PDE4D: variants seen among roughly 807,000 people sequenced by gnomAD.
PDE4D encodes the protein 3',5'-cyclic-AMP phosphodiesterase 4D.
In PDE4D, 24 loss-of-function variants were observed where a neutral mutation model predicts 87.4. The ratio of observed to expected loss-of-function variants is 0.27; its 90% CI spans 0.20 to 0.39. The LOEUF (loss-of-function observed/expected upper bound fraction) is 0.39, where lower values mean the gene tolerates loss of function less well. PDE4D is among the 10% of genes least tolerant of loss of function. PDE4D has a pLI of 1.00. For synonymous variants in PDE4D, 384 were observed against 383.2 expected (o/e 1.00, Z -0.02); for missense variants, 714 against 1,041.0 (o/e 0.69, Z 4.32).
At position 60,085,655 on chromosome 5, in the gene PDE4D, C is replaced by T. The variant is rs560018192; in HGVS notation, c.43-96938G>A. Among the ~76,000 whole-genome samples the T allele has an allele frequency of 1.1e-4, 16 of 152,256 alleles. No individual in the cohort carries two copies. The East Asian group carries it at 1.2e-3, about 11-fold the overall frequency. On this transcript the variant is annotated intron_variant, in intron 2 of 16. Coordinates refer to the PDE4D transcript ENST00000502484. ...TGGAGGGAAAAAGTCCTACTCATGACGAGGTGAGTCTCTGAGGCACTGACT... is the reference window on the plus strand; with the variant it reads ...TGGAGGGAAAAAGTCCTACTCATGATGAGGTGAGTCTCTGAGGCACTGACT...
intron 3 of PDE4D, among the ~76,000 whole-genome samples, chr5:59,929,749 T>C (rs1344027339): frequency 6.6e-6 from 1 of 152,180 alleles, no homozygotes; most frequent in African/African-American, 2.4e-5. Flanking sequence ...AATGGATTAT[T>C]AGTAGACCTG....
chr5:59,292,466 T>C (rs558278868), intron 1 of PDE4D, among the ~76,000 whole-genome samples: 2 of 152,232 alleles, frequency 1.3e-5, no homozygotes, highest in African/African-American at 4.8e-5. Flanking sequence ...CTATCAACAG[T>C]CTGGGAAGGG....
At chr5:59,950,942 T>C (rs767473764) in intron 3 of PDE4D, among the ~76,000 whole-genome samples, 4 of 152,102 alleles carry the variant, frequency 2.6e-5, no homozygotes, top group Non-Finnish European at 5.9e-5. Flanking sequence ...ATGGCATAAA[T>C]TGAGTGTTAC....
chr5:60,061,138 A>T (rs1771362153), intron 2 of PDE4D, among the ~76,000 whole-genome samples: 1 of 152,102 alleles, frequency 6.6e-6, no homozygotes. Context: ...AGAAAGTCAA[A>T]TTGTCTCTGT....
At chr5:59,840,818 G>A (rs1374772013) in intron 1 of PDE4D, among the ~76,000 whole-genome samples, 3 of 152,026 alleles carry the variant, frequency 2.0e-5, no homozygotes, top group Non-Finnish European at 2.9e-5. Flanking sequence ...ATATTCAGGG[G>A]AAAAGCTTGA....
At chr5:60,493,422 G>A (rs1749638431) in intron 1 of PDE4D, among the ~76,000 whole-genome samples, 1 of 152,166 alleles carries the variant, frequency 6.6e-6, no homozygotes, top group African/African-American at 2.4e-5. Flanking sequence ...CTATGTTGAA[G>A]CGAATTATAT....
At chr5:60,408,585 G>T (rs956641529) in intron 1 of PDE4D, among the ~76,000 whole-genome samples, 1 of 152,014 alleles carries the variant, frequency 6.6e-6, no homozygotes, top group Non-Finnish European at 1.5e-5. Flanking sequence ...GCAAATGGAG[G>T]GCCTGTAATT....
At chr5:59,904,190 T>C (rs1693751229) in intron 3 of PDE4D, among the ~76,000 whole-genome samples, 1 of 152,190 alleles carries the variant, frequency 6.6e-6, no homozygotes, top group Non-Finnish European at 1.5e-5. Context: ...CTTTACCATG[T>C]GCATTTTACA....
Position 60,370,003 on chromosome 5 carries a change from T to G in PDE4D, c.-90+117939A>C, listed in dbSNP as rs117627201. Among the ~76,000 whole-genome samples, 389 of 152,292 alleles carry G rather than the reference T, an allele frequency of 2.6e-3. 9 individuals are homozygous for G. Among genetic ancestry groups the G allele is most frequent in the East Asian group, 0.025 (129 of 5,184 alleles). On this transcript the variant is annotated intron_variant, in intron 1 of 16. Coordinates refer to the PDE4D transcript ENST00000502484. Reference sequence around the variant, plus strand: ...GCCTTATCATGAGCATTCCTAGCATTAGTTTCATTTTTTTTCAATTAGTGC... The same window carrying G: ...GCCTTATCATGAGCATTCCTAGCATGAGTTTCATTTTTTTTCAATTAGTGC...
At chr5:59,126,097 A>AT (rs2153448540) in intron 5 of PDE4D, among the ~76,000 whole-genome samples, 1 of 133,988 alleles carries the variant, frequency 7.5e-6, no homozygotes, top group African/African-American at 3.3e-5. Context: ...TACAATTGTA[A>AT]AAAAAAAAAA....
At chr5:59,233,516 G>A (rs1755693442) in intron 1 of PDE4D, among the ~76,000 whole-genome samples, 1 of 152,168 alleles carries the variant, frequency 6.6e-6, no homozygotes, top group Non-Finnish European at 1.5e-5. Flanking sequence ...ATCAGGATGA[G>A]TTGGTTCAGA....
In PDE4D at chr5:58,990,818, G is replaced by A. The variant is rs1251121956; in HGVS notation, c.1273C>T (p.His425Tyr). The stretch of plus-strand genomic sequence containing the variant: ...AACCACCTTACCTGAAAAATGGTGT[G>A]CATGATAACAGTCAAGGGCCGGTTA... ...SGNRPLTVIM[H>Y]TIFQERDLLK... is the part of the protein sequence containing the mutation. Residue 425 changes from histidine (H) to tyrosine (Y), a missense_variant, in exon 9 of 15, where the codon CAC becomes TAC. Physicochemically the swap from His to Tyr is moderately conservative, Grantham distance 83. Around this residue, in one of 7 missense-constraint regions of PDE4D, gnomAD observed 141 missense variants for 204.3 expected, o/e 0.69. Coordinates refer to ENST00000340635, the MANE Select transcript of PDE4D (RefSeq NM_001104631.2). 2 of 1,581,736 alleles carry A rather than the reference G, an allele frequency of 1.3e-6. No individual in the cohort carries two copies. The highest frequency in any genetic ancestry group is 3.4e-5 in the Admixed American group (2 of 58,178).
intron 2 of PDE4D, among the ~76,000 whole-genome samples, chr5:60,145,884 G>T (rs894827266): frequency 3.9e-5 from 6 of 152,160 alleles, no homozygotes; most frequent in Admixed American, 3.3e-4. Flanking sequence ...TAGGTATCTT[G>T]TGATACATAT....
chr5:59,612,098 G>A (rs934629406), intron 1 of PDE4D, among the ~76,000 whole-genome samples: 1 of 152,118 alleles, frequency 6.6e-6, no homozygotes, highest in African/African-American at 2.4e-5. Context: ...CTGCAAGGAA[G>A]TTTCAAGGAT....
Position 58,991,871 on chromosome 5 carries a change from C to T in PDE4D, c.1149G>A (p.Arg383=), listed in dbSNP as rs765250026. The T allele has an allele frequency of 1.1e-5, 18 of 1,567,882 alleles. No individual in the cohort carries two copies. The highest frequency in any genetic ancestry group is 1.5e-5 in the Non-Finnish European group (17 of 1,159,580). ...SSSLTNSSIP[R]FGVKTEQEDV... is the part of the protein sequence containing the mutation. Reference sequence around the variant, plus strand: ...CTTCTTGTTCAGTTTTAACTCCAAACCTTGGGATACTTGAATTAGTCAGAC... The same window carrying T: ...CTTCTTGTTCAGTTTTAACTCCAAATCTTGGGATACTTGAATTAGTCAGAC... The change falls in exon 8 of 15, where the codon AGG becomes AGA. Residue 383 remains arginine, a synonymous_variant. Transcript: ENST00000340635.
intron 2 of PDE4D, among the ~76,000 whole-genome samples, chr5:60,110,317 T>C (rs561134875): frequency 2.0e-5 from 3 of 151,962 alleles, no homozygotes; most frequent in African/African-American, 4.8e-5. Flanking sequence ...ACTCAAACAA[T>C]TCAACAGAAA....
At chr5:60,220,070 A>G (rs1247242741) in intron 1 of PDE4D, among the ~76,000 whole-genome samples, 2 of 152,170 alleles carry the variant, frequency 1.3e-5, no homozygotes, top group Non-Finnish European at 2.9e-5. Context: ...TACTTATATC[A>G]TATCATCAGC....
chr5:59,177,360 T>C (rs1436363461), intron 5 of PDE4D, among the ~76,000 whole-genome samples: 1 of 152,138 alleles, frequency 6.6e-6, no homozygotes, highest in Non-Finnish European at 1.5e-5. Flanking sequence ...CAGCCTGAAT[T>C]GATGAAGAAA....
intron 1 of PDE4D, among the ~76,000 whole-genome samples, chr5:59,433,748 T>C (rs1243709206): frequency 1.3e-5 from 2 of 152,046 alleles, no homozygotes. Context: ...ATCATCCCCA[T>C]GATTCTATGC....
Sources: allele counts gnomAD v4.1 joint callset (sites outside exome capture counted in the v4.1 genomes callset), GRCh38; gene constraint gnomAD v4.1.1; regional missense constraint gnomAD v4.1.1; transcripts MANE v1.5; gene names NCBI Gene and HGNC (gene_info 2026-07-23, HGNC 2026-07-21).